Variants in HAVCR1 observed in about 807,000 individuals in gnomAD.
HAVCR1 encodes hepatitis A virus cellular receptor 1.
In HAVCR1, 34 loss-of-function variants were observed where a neutral mutation model predicts 32.0. The observed-to-expected ratio is 1.06, with a 90% CI of 0.81 to 1.42. The LOEUF (loss-of-function observed/expected upper bound fraction) is 1.42. HAVCR1 is among the 40% of genes most tolerant of loss of function. HAVCR1 has a pLI of 0.00. For missense variants in HAVCR1, 420 were observed against 442.3 expected (o/e 0.95, Z 0.45); for synonymous variants, 178 against 170.3 (o/e 1.05, Z -0.35).
Position 157,039,120 on chromosome 5 carries a change from G to A in HAVCR1, c.838-1759C>T, listed in dbSNP as rs190981772. Reference sequence around the variant, plus strand: ...GAGCAATGGAGTGAGACTCTGTCTCGAATAAATAAATAAACCATAACTTTA... The same window carrying A: ...GAGCAATGGAGTGAGACTCTGTCTCAAATAAATAAATAAACCATAACTTTA... On this transcript the variant is annotated intron_variant, in intron 6 of 8. Coordinates refer to ENST00000523175, the MANE Select transcript of HAVCR1 (RefSeq NM_001173393.3). Among the ~76,000 whole-genome samples the A allele has an allele frequency of 4.8e-3, 736 of 152,206 alleles. 1 individual carries two copies. Among genetic ancestry groups the A allele is most frequent in the Non-Finnish European group, 8.3e-3 (562 of 68,010 alleles).
chr5:157,054,318 G>C (rs1304471202), intron 3 of HAVCR1, among the ~76,000 whole-genome samples: 3 of 151,750 alleles, frequency 2.0e-5, no homozygotes, highest in Admixed American at 2.0e-4. Flanking sequence ...TGGCCAACAT[G>C]GTGAAACCCC....
chr5:157,042,677 T>A lies in HAVCR1; in HGVS notation c.787A>T (p.Asn263Tyr), dbSNP rs762321699. 1 of 1,569,634 alleles carries A rather than the reference T, an allele frequency of 6.4e-7. No individual in the cohort carries two copies. Among genetic ancestry groups the A allele is most frequent in the Non-Finnish European group, 8.8e-7 (1 of 1,141,318 alleles). ...SPLYSYTTDGNDTVTESSDGL... is the reference protein window; with the variant it reads ...SPLYSYTTDGYDTVTESSDGL... ...TCTGAAGACTCTGTCACGGTGTCAT[T>A]CCCATCTACTCAACAAGAAGGAAAT... The change falls in exon 6 of 9, where the codon AAT (asparagine) becomes TAT (tyrosine). Residue 263 changes from asparagine to tyrosine, a missense_variant. Transcript: ENST00000523175.
intron 3 of HAVCR1, among the ~76,000 whole-genome samples, chr5:157,054,369 T>C (rs1346900132): frequency 1.3e-5 from 2 of 151,876 alleles, no homozygotes; most frequent in Non-Finnish European, 2.9e-5. Context: ...CTGGGTATGG[T>C]GGTGCCTGCC....
intron 7 of HAVCR1, among the ~76,000 whole-genome samples, 197 bp from the exon 8 acceptor site, chr5:157,033,084 T>C (rs2277025): frequency 0.31 from 47,272 of 152,042 alleles, 8,762 homozygotes; most frequent in East Asian, 0.62. Flanking sequence ...AGTATCTCAA[T>C]TTCATTAATG....
chr5:157,053,446 A>T (rs1211096692), intron 3 of HAVCR1, among the ~76,000 whole-genome samples: 1 of 151,876 alleles, frequency 6.6e-6, no homozygotes, highest in East Asian at 1.9e-4. Flanking sequence ...AAACAATCCA[A>T]GTCCAAAAGC....
In HAVCR1 at chr5:157,049,089, C is replaced by A. The variant is rs1198583169; in HGVS notation, c.730G>T (p.Gly244Ter). ...PAETHPTTLQ[G>*]AIRREPTSSP... ...CTGGTGGGTTCTCTCCTTATTGCTCCCTGCAGTGTCGTAGGGTGGGTTTCT... is the reference window on the plus strand; with the variant it reads ...CTGGTGGGTTCTCTCCTTATTGCTCACTGCAGTGTCGTAGGGTGGGTTTCT... The change falls in exon 5 of 9, where the codon GGA becomes TGA. Residue 244 changes from glycine (G) to a stop codon, truncating the protein, a stop_gained. Transcript: ENST00000523175. LOFTEE classifies it high-confidence loss of function. 1 of 1,612,954 alleles carries A rather than the reference C, an allele frequency of 6.2e-7. No individual in the cohort carries two copies. Among genetic ancestry groups the A allele is most frequent in the East Asian group, 2.2e-5 (1 of 44,878 alleles).
intron 6 of HAVCR1, among the ~76,000 whole-genome samples, chr5:157,041,777 GC>G (rs1421204210): frequency 6.6e-5 from 10 of 152,072 alleles, no homozygotes; most frequent in Admixed American, 2.0e-4. Flanking sequence ...GCTCATTCGG[GC>G]CCGGGCGCGG....
At chr5:157,040,078 C>A (rs911982214) in intron 6 of HAVCR1, among the ~76,000 whole-genome samples, 1 of 152,186 alleles carries the variant, frequency 6.6e-6, no homozygotes, top group African/African-American at 2.4e-5. Flanking sequence ...GCGGGTGGAT[C>A]ACCTGAGGTC....
At chr5:157,061,791 G>C (rs1002840297), upstream of HAVCR1, among the ~76,000 whole-genome samples, 1 of 152,158 alleles carries the variant, frequency 6.6e-6, no homozygotes, top group Non-Finnish European at 1.5e-5. Context: ...GACGGAATGT[G>C]GGGGGTGGGA....
chr5:157,045,868 G>C (rs1755367240), intron 5 of HAVCR1, among the ~76,000 whole-genome samples: 1 of 152,150 alleles, frequency 6.6e-6, no homozygotes, highest in Non-Finnish European at 1.5e-5. Flanking sequence ...TCCACTGTCT[G>C]TTCCACCTGG....
intron 7 of HAVCR1, among the ~76,000 whole-genome samples, chr5:157,035,308 C>A (rs1399447706): frequency 6.6e-6 from 1 of 152,144 alleles, no homozygotes; most frequent in Non-Finnish European, 1.5e-5. Flanking sequence ...AAAACTTCCT[C>A]AAATTTGCCA....
the HAVCR1 span, among the ~76,000 whole-genome samples, chr5:157,065,286 G>A: frequency 4.7e-5 from 7 of 147,396 alleles, no homozygotes; most frequent in South Asian, 1.3e-3. Context: ...GCCACTGCGC[G>A]ACAGAGCGAG....
At position 157,055,084 on chromosome 5, in the gene HAVCR1, G is replaced by T. The variant is rs554773097; in HGVS notation, c.379+117C>A. On this transcript the variant is annotated intron_variant, in intron 3 of 8. Transcript: ENST00000523175. ...AAGTTATTCTATTTCCCAAGAACAA[G>T]AGTTTATTTAAAAACAGGACTTACG... 5.0e-6 allele frequency: 3 copies of T among 595,392 alleles called. No individual in the cohort carries two copies. The South Asian group carries it at 6.8e-5, about 14-fold the overall frequency. 36.9% of individuals were successfully genotyped at this position (595,392 alleles called of 1,614,324 possible). A position where few individuals can be genotyped will look rare whatever the true frequency, so the allele number is the denominator to read the frequency against.
chr5:157,044,611 GAAAGAGAAAGAAAGAAAGAA>G (rs1390954065), intron 5 of HAVCR1, among the ~76,000 whole-genome samples: 2,608 of 66,438 alleles, frequency 0.039, 65 homozygotes, highest in Admixed American at 0.059. Context: ...AAGAAAGAAA[GAAAGAGAAAGAAAGAAAGAA>G]AGAAAGAAAG....
chr5:157,050,981 C>A (rs1451571695), intron 4 of HAVCR1, among the ~76,000 whole-genome samples: 5 of 152,152 alleles, frequency 3.3e-5, no homozygotes, highest in Non-Finnish European at 5.9e-5. Context: ...TCCTCAGAAT[C>A]CAGAGCCACC....
chr5:157,059,250 T>TTAACTCCTCTTCTGGTC (rs1756406979), upstream of HAVCR1: 1 of 152,432 alleles, frequency 6.6e-6, no homozygotes, highest in Non-Finnish European at 1.5e-5. Flanking sequence ...TAGTACTTCA[T>TTAACTCCTCTTCTGGTC]TAACTCCTCT....
At chr5:157,057,405 A>AAGAAAGAG (rs1756246258) in intron 2 of HAVCR1, among the ~76,000 whole-genome samples, 7 of 103,144 alleles carry the variant, frequency 6.8e-5, no homozygotes, top group African/African-American at 2.4e-4. Flanking sequence ...GAAAGAAAGA[A>AAGAAAGAG]AGAAAGAAAG....
rs533650840 is a variant in HAVCR1, at chr5:157,055,567, C to T, written c.47-34G>A. 6.3e-5 allele frequency: 83 copies of T among 1,322,792 alleles called. No homozygotes were observed. The South Asian group carries it at 1.1e-3, about 17-fold the overall frequency. 81.9% of individuals were successfully genotyped at this position (1,322,792 alleles called of 1,614,324 possible). On this transcript the variant is annotated intron_variant, in intron 2 of 8. Coordinates refer to ENST00000523175, the MANE Select transcript of HAVCR1 (RefSeq NM_001173393.3). ...AAGAAAAGACAAACTGAGAATGAGC[C>T]CTCACTATTTCATCTTGGCTGGGCA...
rs538559510 is a variant in HAVCR1 at position 157,054,284 on chromosome 5, G to A, written c.379+917C>T. On this transcript the variant is annotated intron_variant, in intron 3 of 8. Coordinates refer to ENST00000523175, the MANE Select transcript of HAVCR1 (RefSeq NM_001173393.3). Reference sequence around the variant, plus strand: ...GGAGACTGAGGCAGGCAGAACATCTGAGGTCAGGAGTTCAAGACCAGCCTG... The same window carrying A: ...GGAGACTGAGGCAGGCAGAACATCTAAGGTCAGGAGTTCAAGACCAGCCTG... Among the ~76,000 whole-genome samples, 8 of 151,492 alleles carry A rather than the reference G, an allele frequency of 5.3e-5. No individual in the cohort carries two copies. In the South Asian group the frequency reaches 1.7e-3, roughly 32 times the overall value.
Sources: allele counts gnomAD v4.1 joint callset (sites outside exome capture counted in the v4.1 genomes callset), GRCh38; gene constraint gnomAD v4.1.1; transcripts MANE v1.5; gene names NCBI Gene and HGNC (gene_info 2026-07-23, HGNC 2026-07-21).